DTNB: variants seen among roughly 807,000 people sequenced by gnomAD.
DTNB encodes DTN-B.
In DTNB, 63 loss-of-function variants were observed where a neutral mutation model predicts 90.7. The observed-to-expected ratio is 0.69, with a 90% CI of 0.57 to 0.86. The LOEUF is 0.86. Among genes scored for constraint, DTNB ranks in the 40% least tolerant of loss-of-function variants. The pLI, the probability that DTNB is intolerant of heterozygous loss-of-function variation, is 0.00. For synonymous variants in DTNB, 277 were observed against 286.7 expected (o/e 0.97, Z 0.34); for missense variants, 744 against 807.1 (o/e 0.92, Z 0.95).
chr2:25,504,034 G>A (rs933865218), intron 9 of DTNB, among the ~76,000 whole-genome samples: 1 of 152,214 alleles, frequency 6.6e-6, no homozygotes, highest in Non-Finnish European at 1.5e-5. Flanking sequence ...CTGGGAGGCC[G>A]AAGTGGGCAG....
At chr2:25,617,795 T>C (rs560205683) in intron 4 of DTNB, among the ~76,000 whole-genome samples, 1 of 152,160 alleles carries the variant, frequency 6.6e-6, no homozygotes, top group South Asian at 2.1e-4. Flanking sequence ...GGAGAATCGC[T>C]TGAACCCATG....
At chr2:25,587,544 G>A (rs1450656295) in intron 6 of DTNB, among the ~76,000 whole-genome samples, 1 of 152,222 alleles carries the variant, frequency 6.6e-6, no homozygotes, top group Non-Finnish European at 1.5e-5. Context: ...ACACCCCACA[G>A]GCTGGGGAAC....
At chr2:25,388,697 G>A (rs1006740578) in intron 16 of DTNB, 1 of 270,852 alleles carries the variant, frequency 3.7e-6, no homozygotes, top group Non-Finnish European at 7.0e-6. Context: ...AGGGCAGGAA[G>A]TAACATGCAA....
At chr2:25,667,977 C>T (rs2084888948) in intron 1 of DTNB, among the ~76,000 whole-genome samples, 1 of 152,192 alleles carries the variant, frequency 6.6e-6, no homozygotes. Flanking sequence ...CGGTGGCTCA[C>T]GCATGTAATC....
chr2:25,479,589 A>G (rs773384292), intron 10 of DTNB, among the ~76,000 whole-genome samples: 6 of 152,222 alleles, frequency 3.9e-5, no homozygotes, highest in Admixed American at 2.0e-4. Context: ...CCTACAGTAG[A>G]ACCTCTCGGG....
chr2:25,589,836 C>T (rs1238659077), intron 6 of DTNB, among the ~76,000 whole-genome samples: 1 of 152,142 alleles, frequency 6.6e-6, no homozygotes, highest in Non-Finnish European at 1.5e-5. Flanking sequence ...CCACTGGACT[C>T]GTTCCACCCA....
chr2:25,455,828 AG>A (rs1375761707), intron 10 of DTNB, among the ~76,000 whole-genome samples: 2 of 152,210 alleles, frequency 1.3e-5, no homozygotes, highest in African/African-American at 2.4e-5. Context: ...ACTTTTTAGA[AG>A]ATGCCTTCTG....
rs2081183162 is a variant in DTNB, at chr2:25,652,633, T to A, written c.28A>T (p.Lys10Ter). The change falls in exon 2 of 21, where the codon AAG becomes TAG. Residue 10 changes from lysine to a stop codon, truncating the protein, a stop_gained. Transcript: ENST00000406818. LOFTEE classifies it high-confidence loss of function. ...AGCTGCCTCTTCTCTGCCATGGTCT[T>A]CCGCTTGTTCCCACTTTCCTCAATC... is the stretch of plus-strand genomic sequence containing the variant. MIEESGNKRKTMAEKRQLFI... is the reference protein window; with the variant it reads MIEESGNKR 2 of 1,613,054 alleles carry A rather than the reference T, an allele frequency of 1.2e-6. No homozygotes were observed. Among genetic ancestry groups the A allele is most frequent in the Non-Finnish European group, 1.7e-6 (2 of 1,179,770 alleles).
intron 2 of DTNB, chr2:25,650,217 G>A: frequency 1.0e-6 from 1 of 985,428 alleles, no homozygotes; most frequent in Non-Finnish European, 1.2e-6. Flanking sequence ...AGGAATTACT[G>A]TGTTTGTGTA....
intron 9 of DTNB, among the ~76,000 whole-genome samples, chr2:25,527,169 G>T (rs979729213): frequency 4.6e-5 from 7 of 151,942 alleles, no homozygotes; most frequent in African/African-American, 1.7e-4. Flanking sequence ...CTTCTACTAG[G>T]GGGAAAAAAT....
At chr2:25,524,041 A>ACAGG (rs1421222727) in intron 9 of DTNB, among the ~76,000 whole-genome samples, 4 of 151,702 alleles carry the variant, frequency 2.6e-5, no homozygotes, top group African/African-American at 4.8e-5. Context: ...AGCTGGGATT[A>ACAGG]CAGGCATGCA....
chr2:25,473,504 AAG>A (rs1202659579), intron 10 of DTNB, among the ~76,000 whole-genome samples: 5 of 152,170 alleles, frequency 3.3e-5, no homozygotes, highest in Admixed American at 1.3e-4. Flanking sequence ...GTGTATCAGA[AAG>A]AGAGACAGAC....
At chr2:25,669,792 C>T (rs868069846) in intron 1 of DTNB, among the ~76,000 whole-genome samples, 1 of 151,358 alleles carries the variant, frequency 6.6e-6, no homozygotes, top group Non-Finnish European at 1.5e-5. Context: ...TGCATCTCTA[C>T]AAAAAATTTT....
chr2:25,505,959 G>T (rs1575186714), intron 9 of DTNB, among the ~76,000 whole-genome samples: 1 of 152,154 alleles, frequency 6.6e-6, no homozygotes, highest in Admixed American at 6.5e-5. Context: ...ACTACTTGGT[G>T]GTAAAAAGAA....
chr2:25,664,203 A>C (rs2083866828), intron 1 of DTNB, among the ~76,000 whole-genome samples: 1 of 152,172 alleles, frequency 6.6e-6, no homozygotes, highest in Non-Finnish European at 1.5e-5. Context: ...TGATGAGATC[A>C]CCATTGTTTT....
intron 1 of DTNB, among the ~76,000 whole-genome samples, chr2:25,664,950 G>C (rs2084070968): frequency 6.6e-6 from 1 of 152,216 alleles, no homozygotes; most frequent in African/African-American, 2.4e-5. Context: ...TGTGGTGCTG[G>C]ATCAGACCTT....
chr2:25,527,397 C>T (rs1428265595), intron 9 of DTNB, among the ~76,000 whole-genome samples: 3 of 152,214 alleles, frequency 2.0e-5, no homozygotes, highest in African/African-American at 7.2e-5. Context: ...CTAGCGCATG[C>T]CTGTAGTCCC....
At chr2:25,479,208 A>T (rs745678133) in intron 10 of DTNB, among the ~76,000 whole-genome samples, 2 of 152,250 alleles carry the variant, frequency 1.3e-5, no homozygotes, top group Non-Finnish European at 2.9e-5. Context: ...GTATCCATAA[A>T]CACAGCTAAA....
In DTNB at chr2:25,460,895, GT is replaced by G. The variant is rs1170681020; in HGVS notation, c.1080-5402del. ...AGAAAGGGAACTGAGGCCAAGAAAGGTTTTTTGTTTTTTTTTTTTTGAGACG... is the reference window on the plus strand; with the variant it reads ...AGAAAGGGAACTGAGGCCAAGAAAGGTTTTTGTTTTTTTTTTTTTGAGACG... On this transcript the variant is annotated intron_variant, in intron 10 of 20. Coordinates refer to ENST00000406818, the MANE Select transcript of DTNB (RefSeq NM_021907.5). Among the ~76,000 whole-genome samples, 7 of 120,658 alleles carry G rather than the reference GT, an allele frequency of 5.8e-5. 1 individual carries two copies. The highest frequency in any genetic ancestry group is 1.2e-4 in the Non-Finnish European group (6 of 50,678). 79.2% of individuals were successfully genotyped at this position (120,658 alleles called of 152,430 possible).
Sources: gnomAD v4.1 joint callset for allele counts (sites outside exome capture counted in the v4.1 genomes callset) on GRCh38, gnomAD v4.1.1 for gene constraint, MANE v1.5 for transcripts, NCBI Gene and HGNC (gene_info 2026-07-23, HGNC 2026-07-21) for gene names.